Variants in LRMDA observed in about 807,000 individuals in gnomAD.
The protein encoded by LRMDA is leucine rich melanocyte differentiation associated.
A neutral mutation model predicts 29.8 loss-of-function variants in LRMDA; 18 were observed. That is an observed-to-expected ratio of 0.60 (90% CI 0.42 to 0.90). LRMDA has a LOEUF of 0.90. LRMDA is among the 40% of genes least tolerant of loss of function. The pLI, the probability that LRMDA is intolerant of heterozygous loss-of-function variation, is 0.00. For synonymous variants in LRMDA, 125 were observed against 109.4 expected (o/e 1.14, Z -0.89); for missense variants, 273 against 273.9 (o/e 1.00, Z 0.02).
chr10:76,398,102 C>T (rs1339525161), intron 6 of LRMDA, among the ~76,000 whole-genome samples: 1 of 152,178 alleles, frequency 6.6e-6, no homozygotes, highest in Non-Finnish European at 1.5e-5. Flanking sequence ...TCTGCGGCTC[C>T]TTTGTAACAT....
rs200815819 is a variant in LRMDA, at chr10:76,220,801, G to A, written c.517-103600G>A. Among the ~76,000 whole-genome samples the A allele has an allele frequency of 7.1e-3, 1,075 of 152,136 alleles. 19 individuals are homozygous for A. The highest frequency in any genetic ancestry group is 0.023 in the African/African-American group (963 of 41,504). On this transcript the variant is annotated intron_variant, in intron 5 of 6. Coordinates refer to ENST00000611255, the MANE Select transcript of LRMDA (RefSeq NM_001305581.2). ...CCAGCATCATCCTGATACCAAAGCC[G>A]AGCAGAGACACAACCAAAAAAGAGA... is the stretch of plus-strand genomic sequence containing the variant.
chr10:75,964,482 G>T (rs540065912), intron 2 of LRMDA, among the ~76,000 whole-genome samples: 190 of 152,280 alleles, frequency 1.2e-3, no homozygotes, highest in African/African-American at 4.2e-3. Context: ...TTGAGGCCAG[G>T]CTCTGTTGGC....
chr10:75,595,423 T>C, intron 2 of LRMDA, among the ~76,000 whole-genome samples: 1 of 152,078 alleles, frequency 6.6e-6, no homozygotes, highest in Non-Finnish European at 1.5e-5. Context: ...CATTCTATTC[T>C]TTTCTCTAAA....
intron 2 of LRMDA, among the ~76,000 whole-genome samples, chr10:75,849,703 T>C (rs772526351): frequency 1.3e-5 from 2 of 152,182 alleles, no homozygotes; most frequent in Non-Finnish European, 2.9e-5. Context: ...ACCACCATGG[T>C]ACACGTTTAC....
At chr10:76,296,176 T>C (rs1300789629) in intron 5 of LRMDA, among the ~76,000 whole-genome samples, 2 of 152,218 alleles carry the variant, frequency 1.3e-5, no homozygotes, top group Non-Finnish European at 2.9e-5. Context: ...TTTAAGTATC[T>C]AAAGGATAGG....
At chr10:76,033,243 G>C (rs981573495) in intron 2 of LRMDA, among the ~76,000 whole-genome samples, 1 of 152,060 alleles carries the variant, frequency 6.6e-6, no homozygotes, top group African/African-American at 2.4e-5. Context: ...TAAATCCCCA[G>C]GAGCACACCA....
At chr10:75,594,384 G>A (rs2132086487) in intron 2 of LRMDA, among the ~76,000 whole-genome samples, 1 of 152,342 alleles carries the variant, frequency 6.6e-6, no homozygotes, top group East Asian at 1.9e-4. Context: ...TGAGGTCCCA[G>A]GTTTAGCCCT....
At chr10:76,013,627 C>T (rs1490639179) in intron 2 of LRMDA, among the ~76,000 whole-genome samples, 1 of 152,008 alleles carries the variant, frequency 6.6e-6, no homozygotes, top group East Asian at 1.9e-4. Context: ...CTGGGTTCAT[C>T]ACCATGACAG....
intron 2 of LRMDA, among the ~76,000 whole-genome samples, chr10:75,811,323 G>A (rs1843956302): frequency 1.3e-5 from 2 of 152,148 alleles, no homozygotes; most frequent in South Asian, 4.1e-4. Context: ...GAGAGCCTCA[G>A]TTGTGGTCAT....
intron 2 of LRMDA, among the ~76,000 whole-genome samples, chr10:75,998,291 C>T (rs1296349603): frequency 1.3e-5 from 2 of 152,118 alleles, no homozygotes; most frequent in Non-Finnish European, 2.9e-5. Flanking sequence ...CACTTTTGCT[C>T]CTTTTTGCTC....
intron 2 of LRMDA, among the ~76,000 whole-genome samples, chr10:75,831,048 CTTT>C (rs79078199): frequency 1.4e-5 from 2 of 144,132 alleles, no homozygotes. Flanking sequence ...GAAGTCAAAT[CTTT>C]TTTTTTTTTT....
intron 6 of LRMDA, among the ~76,000 whole-genome samples, chr10:76,480,327 C>T (rs1046072069): frequency 6.6e-6 from 1 of 151,666 alleles, no homozygotes; most frequent in African/African-American, 2.4e-5. Flanking sequence ...TCATGTTGCA[C>T]CAAAATTTAT....
At chr10:75,900,877 A>G (rs1845658844) in intron 2 of LRMDA, among the ~76,000 whole-genome samples, 1 of 152,170 alleles carries the variant, frequency 6.6e-6, no homozygotes, top group Non-Finnish European at 1.5e-5. Flanking sequence ...GACCTTGAGT[A>G]TATCCTGTCT....
intron 2 of LRMDA, among the ~76,000 whole-genome samples, chr10:75,848,467 C>T (rs1298977584): frequency 6.6e-6 from 1 of 152,178 alleles, no homozygotes; most frequent in African/African-American, 2.4e-5. Context: ...CTACCAGAGC[C>T]TGCTGTTTGT....
At chr10:76,418,122 C>T (rs1842035785) in intron 6 of LRMDA, among the ~76,000 whole-genome samples, 1 of 152,028 alleles carries the variant, frequency 6.6e-6, no homozygotes, top group Admixed American at 6.6e-5. Flanking sequence ...AATCTCCATA[C>T]AAGTTTTAGA....
chr10:75,833,500 C>A (rs922295025), intron 2 of LRMDA, among the ~76,000 whole-genome samples: 1 of 152,024 alleles, frequency 6.6e-6, no homozygotes, highest in African/African-American at 2.4e-5. Flanking sequence ...CAATTTGCAA[C>A]AAACTTAGTG....
chr10:76,526,925 A>G (rs1009699846), intron 6 of LRMDA, among the ~76,000 whole-genome samples: 1 of 151,008 alleles, frequency 6.6e-6, no homozygotes, highest in Non-Finnish European at 1.5e-5. Flanking sequence ...GCACATGTAT[A>G]CATATGTAAC....
Position 76,314,402 on chromosome 10 carries a change from C to T in LRMDA, c.517-9999C>T, listed in dbSNP as rs1840666465. ...ACATTCTTTTAGGTTCTATCTGCAA[C>T]ATTAACATTTTCTCCATCACTTTAA... is the stretch of plus-strand genomic sequence containing the variant. On this transcript the variant is annotated intron_variant, in intron 5 of 6. Coordinates refer to ENST00000611255, the MANE Select transcript of LRMDA (RefSeq NM_001305581.2). Among the ~76,000 whole-genome samples, 4 of 152,162 alleles carry T rather than the reference C, an allele frequency of 2.6e-5. No homozygotes were observed. In the South Asian group the frequency reaches 6.2e-4, roughly 24 times the overall value.
chr10:76,111,392 C>CTT (rs1265622042), intron 5 of LRMDA, among the ~76,000 whole-genome samples: 1 of 152,262 alleles, frequency 6.6e-6, no homozygotes, highest in Non-Finnish European at 1.5e-5. Context: ...ATGGAAAAGA[C>CTT]TTTGGCAGAA....
Sources: allele counts gnomAD v4.1 joint callset (sites outside exome capture counted in the v4.1 genomes callset), GRCh38; gene constraint gnomAD v4.1.1; transcripts MANE v1.5; gene names NCBI Gene and HGNC (gene_info 2026-07-23, HGNC 2026-07-21).